The following RNF13 variants were observed in gnomAD, a reference collection of about 807,000 sequenced individuals.
The protein encoded by RNF13 is E3 ubiquitin-protein ligase RNF13.
A neutral mutation model predicts 37.7 loss-of-function variants in RNF13; 19 were observed. The observed-to-expected ratio is 0.50, with a 90% confidence interval of 0.35 to 0.74. The LOEUF (loss-of-function observed/expected upper bound fraction) is 0.74, where lower values mean the gene tolerates loss of function less well. Among genes scored for constraint, RNF13 ranks in the 30% least tolerant of loss-of-function variants. The pLI is 0.01. For synonymous variants in RNF13, 144 were observed against 157.8 expected (o/e 0.91, Z 0.65); for missense variants, 375 against 453.0 (o/e 0.83, Z 1.56).
chr3:149,894,403 T>A (rs535625806), intron 4 of RNF13, among the ~76,000 whole-genome samples: 1 of 152,178 alleles, frequency 6.6e-6, no homozygotes. Flanking sequence ...AACTTGACTC[T>A]TTGGGCTTTC....
intron 4 of RNF13, among the ~76,000 whole-genome samples, chr3:149,893,319 T>C (rs754802417): frequency 3.3e-5 from 5 of 152,250 alleles, no homozygotes; most frequent in Non-Finnish European, 7.3e-5. Flanking sequence ...AATGACTATG[T>C]GCTTTGGTTG....
chr3:149,939,043 T>C, intron 8 of RNF13: 2 of 491,296 alleles, frequency 4.1e-6, no homozygotes, highest in South Asian at 3.2e-5. Context: ...TGGTCAGTCA[T>C]CCGGAAGCAC....
intron 1 of RNF13, among the ~76,000 whole-genome samples, chr3:149,823,746 A>C (rs1272852400): frequency 6.6e-6 from 1 of 152,220 alleles, no homozygotes; most frequent in African/African-American, 2.4e-5. Flanking sequence ...GTAAAAAAGC[A>C]TACAAATCAT....
At chr3:149,921,603 C>T (rs890434787) in intron 8 of RNF13, among the ~76,000 whole-genome samples, 3 of 152,224 alleles carry the variant, frequency 2.0e-5, no homozygotes, top group Non-Finnish European at 1.5e-5. Context: ...TTTCTAGCTT[C>T]ATCCATGTCC....
At chr3:149,951,610 G>A (rs1246189334) in intron 8 of RNF13, among the ~76,000 whole-genome samples, 1 of 152,126 alleles carries the variant, frequency 6.6e-6, no homozygotes, top group Non-Finnish European at 1.5e-5. Context: ...CTTTAGTTGG[G>A]GTTGTTTGTA....
intron 4 of RNF13, among the ~76,000 whole-genome samples, chr3:149,879,414 TCCTTC>T (rs1713122910): frequency 6.6e-6 from 1 of 151,236 alleles, no homozygotes. Context: ...GCTCAGGCGA[TCCTTC>T]CACCTCAGCC....
At chr3:149,927,432 T>C (rs1257830977) in intron 8 of RNF13, among the ~76,000 whole-genome samples, 1 of 152,252 alleles carries the variant, frequency 6.6e-6, no homozygotes, top group Non-Finnish European at 1.5e-5. Context: ...TTGTAAATAA[T>C]ACTGCAATGA....
rs539260686 is a variant in RNF13, at chr3:149,833,602, TAGA to T, written c.-16-12406_-16-12404del. Among the ~76,000 whole-genome samples the T allele has an allele frequency of 5.9e-5, 9 of 152,102 alleles. No homozygotes were observed. In the East Asian group the frequency reaches 1.4e-3, roughly 23 times the overall value. On this transcript the variant is annotated intron_variant, in intron 1 of 9. Coordinates refer to ENST00000392894, the MANE Select transcript of RNF13 (RefSeq NM_183381.3). ...GATAAAACACCCAACAAACTGAAAA[TAGA>T]AGGAGACTACCTCAGAATAAAGGCC...
chr3:149,895,203 G>T, intron 4 of RNF13: 1 of 290,102 alleles, frequency 3.4e-6, no homozygotes, highest in Non-Finnish European at 6.3e-6. Flanking sequence ...GGAAACTGAG[G>T]GTTACAAAAG....
chr3:149,948,954 G>A (rs1456387062), intron 8 of RNF13, among the ~76,000 whole-genome samples: 1 of 152,136 alleles, frequency 6.6e-6, no homozygotes, highest in African/African-American at 2.4e-5. Flanking sequence ...CTTGAGCCTG[G>A]GAGGCGAAGG....
intron 3 of RNF13, 136 bp from the exon 4 acceptor site, chr3:149,871,893 G>A: frequency 1.8e-6 from 1 of 548,336 alleles, no homozygotes; most frequent in Non-Finnish European, 2.9e-6. Flanking sequence ...TTCCGTGATT[G>A]TGAGCAATTT....
chr3:149,842,251 G>A (rs1467859639), intron 1 of RNF13, among the ~76,000 whole-genome samples: 1 of 152,060 alleles, frequency 6.6e-6, no homozygotes, highest in African/African-American at 2.4e-5. Flanking sequence ...TGTTGCCTGT[G>A]TACATGTCCA....
Position 149,941,581 on chromosome 3 carries a change from G to A in RNF13, c.701-18475G>A, listed in dbSNP as rs181131206. Among the ~76,000 whole-genome samples, 4 of 145,918 alleles carry A rather than the reference G, an allele frequency of 2.7e-5. No individual in the cohort carries two copies. The East Asian group carries it at 6.0e-4, about 22-fold the overall frequency. On this transcript the variant is annotated intron_variant, in intron 8 of 9. Transcript: ENST00000392894. ...TTGAGTTGTAGAAGTTCCTTATATA[G>A]TCTGGATATTAACCCCAAATCAGAT...
chr3:149,906,101 AT>A (rs923451334), intron 6 of RNF13, among the ~76,000 whole-genome samples: 19 of 151,574 alleles, frequency 1.3e-4, no homozygotes, highest in Non-Finnish European at 1.0e-4. Context: ...ATATTTTATG[AT>A]TTTTTTTCAT....
chr3:149,954,052 A>C (rs1221485158), intron 8 of RNF13, among the ~76,000 whole-genome samples: 1 of 152,240 alleles, frequency 6.6e-6, no homozygotes. Flanking sequence ...TGAAATTTCA[A>C]TAACAGTAAG....
chr3:149,908,643 G>A (rs716352), intron 6 of RNF13, among the ~76,000 whole-genome samples: 50,480 of 152,038 alleles, frequency 0.33, 10,090 homozygotes, highest in East Asian at 0.63. Flanking sequence ...GAAGTAGTCA[G>A]ATGAAATAGT....
intron 8 of RNF13, among the ~76,000 whole-genome samples, chr3:149,940,040 T>G (rs1720100463): frequency 6.6e-6 from 1 of 152,200 alleles, no homozygotes; most frequent in African/African-American, 2.4e-5. Context: ...TGGGTTAATA[T>G]CTATTATATT....
intron 1 of RNF13, among the ~76,000 whole-genome samples, chr3:149,821,068 C>G (rs1719953712): frequency 1.3e-5 from 2 of 152,026 alleles, no homozygotes; most frequent in African/African-American, 4.8e-5. Flanking sequence ...TCCATTTATC[C>G]ATCGATGGAT....
chr3:149,865,348 A>ATATATATATATATATATATATATATATG (rs1327517532), intron 3 of RNF13, among the ~76,000 whole-genome samples: 1 of 148,990 alleles, frequency 6.7e-6, no homozygotes, highest in Admixed American at 6.7e-5. Flanking sequence ...ATATATATAT[A>ATATATATATATATATATATATATATATG]TATGTATAAA....
Sources: gnomAD v4.1 joint callset for allele counts (sites outside exome capture counted in the v4.1 genomes callset) on GRCh38, gnomAD v4.1.1 for gene constraint, MANE v1.5 for transcripts, NCBI Gene and HGNC (gene_info 2026-07-23, HGNC 2026-07-21) for gene names.